The following ZNF837 variants were observed in gnomAD, a reference collection of about 807,000 sequenced individuals.
ZNF837 encodes zinc finger protein 837.
For synonymous variants in ZNF837, 475 were observed against 365.2 expected, an observed-to-expected ratio of 1.30 and a Z score of -3.43; for missense variants, 955 against 801.7, an observed-to-expected ratio of 1.19 and a Z score of -2.31.
In ZNF837 at chr19:58,367,910, A is replaced by T. The variant is rs2052151305; in HGVS notation, c.1423T>A (p.Tyr475Asn). 6.5e-7 allele frequency: 1 copy of T among 1,534,938 alleles called. No individual in the cohort carries two copies. Among genetic ancestry groups the T allele is most frequent in the Admixed American group, 2.0e-5 (1 of 50,478 alleles). ...HERLHSGEKP[Y>N]ICRDCGKAFV... is the part of the protein sequence containing the mutation. ...GCCTTGCCGCAGTCGCGGCAGATGTAGGGCTTCTCGCCCGAGTGCAGGCGC... is the reference window on the plus strand; with the variant it reads ...GCCTTGCCGCAGTCGCGGCAGATGTTGGGCTTCTCGCCCGAGTGCAGGCGC... Residue 475 changes from tyrosine to asparagine, a missense_variant, in exon 3 of 3, where the codon TAC becomes AAC. Coordinates refer to ENST00000597582, the MANE Select transcript of ZNF837 (RefSeq NM_138466.2).
Position 58,368,266 on chromosome 19 carries a change from G to A in ZNF837, c.1067C>T (p.Ser356Leu), listed in dbSNP as rs1045416966. ...CTCGTACGGCTTCTCCCCGGCTCCC[G>A]ACCCCCGTCGGGGACTCCGCTCGCT... ...DYSERSPRRG[S>L]GAGEKPYECA... is the part of the protein sequence containing the mutation. Residue 356 changes from serine (S) to leucine (L), a missense_variant, in exon 3 of 3, where the codon TCG becomes TTG. By Grantham distance (145) the Ser-to-Leu change is moderately radical. Coordinates refer to ENST00000597582, the MANE Select transcript of ZNF837 (RefSeq NM_138466.2). 4.0e-6 allele frequency: 6 copies of A among 1,483,120 alleles called. No individual in the cohort carries two copies. Among genetic ancestry groups the A allele is most frequent in the Non-Finnish European group, 5.3e-6 (6 of 1,122,288 alleles). 91.9% of individuals were successfully genotyped at this position (1,483,120 alleles called of 1,614,324 possible). A position where few individuals can be genotyped will look rare whatever the true frequency, so the allele number is the denominator to read the frequency against.
intron 1 of ZNF837, 126 bp from the exon 2 acceptor site, chr19:58,370,054 C>T (rs933745555): frequency 6.6e-6 from 1 of 152,238 alleles, no homozygotes; most frequent in East Asian, 1.9e-4. Context: ...TAAAATTACA[C>T]TGTGGCTGTA....
intron 1 of ZNF837, among the ~76,000 whole-genome samples, chr19:58,373,080 C>T (rs1294298271): frequency 1.3e-5 from 2 of 152,212 alleles, no homozygotes; most frequent in African/African-American, 2.4e-5. Context: ...ACCCTCCTGT[C>T]CCCTCCAGGC....
chr19:58,372,817 G>C (rs2052213298), intron 1 of ZNF837, among the ~76,000 whole-genome samples: 1 of 152,206 alleles, frequency 6.6e-6, no homozygotes, highest in African/African-American at 2.4e-5. Context: ...ACTGGTTAAA[G>C]ACAAAAATGC....
rs911505508 is a variant in ZNF837, at chr19:58,368,740, C to T, written c.593G>A (p.Arg198Gln). ...RGRNPLVEQPRACACGEAFAW... is the reference protein window; with the variant it reads ...RGRNPLVEQPQACACGEAFAW... ...AAAGGCCTCGCCGCACGCGCAAGCCCGGGGCTGCTCCACCAAGGGGTTCCT... is the reference window on the plus strand; with the variant it reads ...AAAGGCCTCGCCGCACGCGCAAGCCTGGGGCTGCTCCACCAAGGGGTTCCT... The change falls in exon 3 of 3, where the codon CGG becomes CAG. Residue 198 changes from arginine to glutamine, a missense_variant. Arg to Gln is a conservative substitution (Grantham distance 43, BLOSUM62 1). Transcript: ENST00000597582. 4 of 1,538,410 alleles carry T rather than the reference C, an allele frequency of 2.6e-6. No homozygotes were observed. Among genetic ancestry groups the T allele is most frequent in the South Asian group, 1.2e-5 (1 of 83,984 alleles).
chr19:58,371,067 C>T (rs1365521934), intron 1 of ZNF837, among the ~76,000 whole-genome samples: 9 of 151,994 alleles, frequency 5.9e-5, no homozygotes, highest in Non-Finnish European at 1.0e-4. Context: ...CGGTGAAACC[C>T]CGTCTCTACT....
In ZNF837 at chr19:58,368,699, G is replaced by T; in HGVS notation, c.634C>A (p.Arg212=). Residue 212 remains arginine (R), a synonymous_variant, in exon 3 of 3, where the codon CGG becomes AGG. Coordinates refer to ENST00000597582, the MANE Select transcript of ZNF837 (RefSeq NM_138466.2). ...GCCTGCAGCCTCTCCTGGGGGATCC[G>T]CAGGGCCCTCCACGCAAAGGCCTCG... The part of the protein sequence containing the change: ...CGEAFAWRAL[R]IPQERLQATE... 1 of 1,533,970 alleles carries T rather than the reference G, an allele frequency of 6.5e-7. No homozygotes were observed. The highest frequency in any genetic ancestry group is 8.7e-7 in the Non-Finnish European group (1 of 1,145,188).
chr19:58,376,830 A>G (rs1307710065), intron 1 of ZNF837, among the ~76,000 whole-genome samples: 1 of 151,904 alleles, frequency 6.6e-6, no homozygotes, highest in Non-Finnish European at 1.5e-5. Flanking sequence ...CTATAATCCC[A>G]GCACTTTGTG....
intron 1 of ZNF837, among the ~76,000 whole-genome samples, chr19:58,372,432 C>CT (rs2052210251): frequency 7.9e-6 from 1 of 126,798 alleles, no homozygotes; most frequent in Admixed American, 7.6e-5. Flanking sequence ...CTTGGGGAGT[C>CT]CGGGGGGGGC....
At chr19:58,373,986 G>C (rs1288648900) in intron 1 of ZNF837, among the ~76,000 whole-genome samples, 2 of 152,380 alleles carry the variant, frequency 1.3e-5, no homozygotes, top group East Asian at 3.9e-4. Context: ...CCCACTGCAG[G>C]TGAGCTGATT....
chr19:58,375,207 G>GAT (rs2052231470), intron 1 of ZNF837, among the ~76,000 whole-genome samples: 1 of 128,406 alleles, frequency 7.8e-6, no homozygotes, highest in African/African-American at 3.0e-5. Context: ...AATGAGCCGA[G>GAT]ATCACAACAC....
intron 1 of ZNF837, among the ~76,000 whole-genome samples, chr19:58,376,447 C>T (rs1488225390): frequency 1.9e-4 from 29 of 149,568 alleles, no homozygotes; most frequent in Admixed American, 1.3e-3. Context: ...CCCAGCTACT[C>T]CGGAGGCTGA....
rs1471609597 is a variant in ZNF837 at position 58,367,905 on chromosome 19, G to T, written c.1428C>A (p.Ile476=). The change falls in exon 3 of 3, where the codon ATC becomes ATA. Residue 476 remains isoleucine, a synonymous_variant. Coordinates refer to ENST00000597582, the MANE Select transcript of ZNF837 (RefSeq NM_138466.2). ...ERLHSGEKPY[I]CRDCGKAFVR... ...CGAAGGCCTTGCCGCAGTCGCGGCA[G>T]ATGTAGGGCTTCTCGCCCGAGTGCA... The T allele has an allele frequency of 5.2e-6, 8 of 1,533,472 alleles. No homozygotes were observed. Among genetic ancestry groups the T allele is most frequent in the Non-Finnish European group, 1.7e-6 (2 of 1,143,702 alleles). 95.0% of individuals were successfully genotyped at this position (1,533,472 alleles called of 1,614,324 possible).
rs2052155779 is a variant in ZNF837 at position 58,368,122 on chromosome 19, G to GGAGC, written c.1210_1211insGCTC (p.Ser404CysfsTer160). On this transcript the variant is annotated frameshift_variant, in exon 3 of 3. Transcript: ENST00000597582. LOFTEE classifies it low-confidence loss of function (END_TRUNC). ...AGTGCGCTGGTGCCGGCTCAGGTTC[G>GGAGC]AGCGCTGGTTGAAGGCCTTGCCGCA... 6.3e-7 allele frequency: 1 copy of GGAGC among 1,578,574 alleles called. No homozygotes were observed. Among genetic ancestry groups the GGAGC allele is most frequent in the Admixed American group, 1.8e-5 (1 of 55,130 alleles).
Position 58,368,265 on chromosome 19 carries a change from C to A in ZNF837, c.1068G>T (p.Ser356=). Residue 356 remains serine (S), a synonymous_variant, in exon 3 of 3, where the codon TCG becomes TCT. Transcript: ENST00000597582. ...ACTCGTACGGCTTCTCCCCGGCTCC[C>A]GACCCCCGTCGGGGACTCCGCTCGC... ...DYSERSPRRG[S]GAGEKPYECA... 6.7e-7 allele frequency: 1 copy of A among 1,483,556 alleles called. No individual in the cohort carries two copies. 91.9% of individuals were successfully genotyped at this position (1,483,556 alleles called of 1,614,324 possible). A position where few individuals can be genotyped will look rare whatever the true frequency, so the allele number is the denominator to read the frequency against.
chr19:58,371,559 C>T (rs1351181240), intron 1 of ZNF837, among the ~76,000 whole-genome samples: 1 of 152,218 alleles, frequency 6.6e-6, no homozygotes, highest in Non-Finnish European at 1.5e-5. Flanking sequence ...AGCCTTTAGA[C>T]TCTGAATCCC....
intron 1 of ZNF837, among the ~76,000 whole-genome samples, chr19:58,370,893 C>CA (rs1207559312): frequency 1.1e-5 from 1 of 94,298 alleles, no homozygotes; most frequent in Non-Finnish European, 2.0e-5. Flanking sequence ...GAAACTCTTT[C>CA]AAAAAAAGAA....
rs77100532 is a variant in ZNF837 at position 58,368,541 on chromosome 19, G to A, written c.792C>T (p.Asp264=). The stretch of plus-strand genomic sequence containing the variant: ...AAGCGTACAGTCGCTGGGCCGGGGG[G>A]TCGGGGACAATAGGGCGAGGTCGCG... ...QTSRPRPIVP[D]PPAQRLYACD... The change falls in exon 3 of 3, where the codon GAC becomes GAT. Residue 264 remains aspartate, a synonymous_variant. Coordinates refer to ENST00000597582, the MANE Select transcript of ZNF837 (RefSeq NM_138466.2). The A allele has an allele frequency of 1.2e-5, 19 of 1,539,414 alleles. No homozygotes were observed. The Admixed American group carries it at 1.8e-4, about 14-fold the overall frequency.
At chr19:58,372,463 C>G (rs756265979) in intron 1 of ZNF837, among the ~76,000 whole-genome samples, 3 of 152,096 alleles carry the variant, frequency 2.0e-5, no homozygotes, top group Non-Finnish European at 2.9e-5. Context: ...GTCAAGAGAT[C>G]GAGACCATCC....
Sources: allele counts gnomAD v4.1 joint callset (sites outside exome capture counted in the v4.1 genomes callset), GRCh38; gene constraint gnomAD v4.1.1; transcripts MANE v1.5; gene names NCBI Gene and HGNC (gene_info 2026-07-23, HGNC 2026-07-21).